NCKAP5: variants seen among roughly 807,000 people sequenced by gnomAD.
NCKAP5 encodes the protein NCK associated protein 5, also known as nck-associated protein 5.
Under a neutral mutation model 167.0 loss-of-function variants are expected in NCKAP5, and 92 were observed. The ratio of observed to expected loss-of-function variants is 0.55; its 90% CI spans 0.47 to 0.66. The LOEUF is 0.66. NCKAP5 is among the 30% of genes least tolerant of loss of function. The pLI, the probability that NCKAP5 is intolerant of heterozygous loss-of-function variation, is 0.00. For missense variants in NCKAP5, 2,378 were observed against 2,315.0 expected, an observed-to-expected ratio of 1.03 and a Z score of -0.56; for synonymous variants, 891 against 877.4, an observed-to-expected ratio of 1.02 and a Z score of -0.27.
At chr2:132,871,692 G>A (rs572131075) in intron 9 of NCKAP5, among the ~76,000 whole-genome samples, 9 of 152,244 alleles carry the variant, frequency 5.9e-5, no homozygotes, top group Middle Eastern at 3.4e-3. Context: ...ATGTACTTTG[G>A]AAAATTATTT....
intron 4 of NCKAP5, among the ~76,000 whole-genome samples, chr2:133,257,043 C>G (rs567195804): frequency 3.9e-5 from 6 of 152,314 alleles, no homozygotes; most frequent in African/African-American, 1.4e-4. Context: ...ATGACTTTAT[C>G]TAATGTAGAC....
chr2:132,691,950 A>G (rs2105143210), intron 19 of NCKAP5, among the ~76,000 whole-genome samples: 1 of 152,202 alleles, frequency 6.6e-6, no homozygotes, highest in Middle Eastern at 3.4e-3. Flanking sequence ...ATTCTCCAAA[A>G]TAAACCTGTC....
chr2:133,404,899 G>A (rs9287426), intron 3 of NCKAP5, among the ~76,000 whole-genome samples: 28,362 of 151,938 alleles, frequency 0.19, 2,670 homozygotes, highest in Non-Finnish European at 0.2. Flanking sequence ...ATCAGTTCTC[G>A]ACCAGCATTA....
At position 133,172,640 on chromosome 2, in the gene NCKAP5, G is replaced by GT. The variant is rs34818543; in HGVS notation, c.207+41075dup. Among the ~76,000 whole-genome samples, 675 of 148,562 alleles carry GT rather than the reference G, an allele frequency of 4.5e-3. 4 individuals carry two copies. The highest frequency in any genetic ancestry group is 0.014 in the African/African-American group (562 of 40,480). On this transcript the variant is annotated intron_variant, in intron 5 of 19. Coordinates refer to ENST00000409261, the MANE Select transcript of NCKAP5 (RefSeq NM_207363.3). ...TGCCCACCACCACATCTGGCTAATC[G>GT]TTTTTTTTTTGTTGTTGTTGTTTTT...
At chr2:132,759,986 A>C (rs1392090685) in intron 16 of NCKAP5, among the ~76,000 whole-genome samples, 1 of 151,824 alleles carries the variant, frequency 6.6e-6, no homozygotes, top group African/African-American at 2.4e-5. Flanking sequence ...TTCTACCCTT[A>C]AATTTGTTAA....
chr2:133,265,443 G>A, intron 4 of NCKAP5, among the ~76,000 whole-genome samples: 1 of 152,252 alleles, frequency 6.6e-6, no homozygotes, highest in African/African-American at 2.4e-5. Context: ...CCTGCCACCC[G>A]GGAGGTCCCT....
rs886349737 is a variant in NCKAP5, at chr2:132,740,861, GA to G, written c.5129-8811del. On this transcript the variant is annotated intron_variant, in intron 16 of 19. Transcript: ENST00000409261. ...ATTAATATGACAAACAATTAAAAAA[GA>G]AAAAAAAATGGACCATGAAATTCCT... 4.8e-3 allele frequency among the ~76,000 whole-genome samples: 710 copies of G among 149,266 alleles called. 4 individuals are homozygous for G. The highest frequency in any genetic ancestry group is 0.017 in the African/African-American group (686 of 40,744).
intron 2 of NCKAP5, among the ~76,000 whole-genome samples, chr2:133,541,456 A>G (rs1686219845): frequency 6.6e-6 from 1 of 152,196 alleles, no homozygotes; most frequent in Non-Finnish European, 1.5e-5. Flanking sequence ...AATACATTTT[A>G]TGCAATATAT....
At chr2:132,715,633 G>A (rs1351511748) in intron 19 of NCKAP5, among the ~76,000 whole-genome samples, 1 of 152,218 alleles carries the variant, frequency 6.6e-6, no homozygotes, top group Non-Finnish European at 1.5e-5. Flanking sequence ...GAGACTTAAT[G>A]TGTAGCAGCC....
chr2:133,154,151 T>C (rs375625922), intron 5 of NCKAP5, among the ~76,000 whole-genome samples: 3 of 152,172 alleles, frequency 2.0e-5, no homozygotes, highest in African/African-American at 7.2e-5. Flanking sequence ...CAGTTCCTCC[T>C]TCTTGAAACT....
intron 4 of NCKAP5, among the ~76,000 whole-genome samples, chr2:133,222,206 T>G (rs941897536): frequency 1.1e-4 from 17 of 152,244 alleles, no homozygotes; most frequent in African/African-American, 3.8e-4. Context: ...TTTTTGTCAG[T>G]TATGTCTATT....
chr2:132,824,013 C>T lies in NCKAP5; in HGVS notation c.808-27284G>A, dbSNP rs541110187. Among the ~76,000 whole-genome samples, 19 of 152,298 alleles carry T rather than the reference C, an allele frequency of 1.2e-4. No homozygotes were observed. The South Asian group carries it at 3.9e-3, about 32-fold the overall frequency. ...GAATCCTAAATATATATGCACCTAA[C>T]ACTGGAGCTCCCAAATGTATTGGGG... On this transcript the variant is annotated intron_variant, in intron 11 of 19. Transcript: ENST00000409261.
chr2:133,579,703 T>A, the NCKAP5 span, among the ~76,000 whole-genome samples: 1 of 152,166 alleles, frequency 6.6e-6, no homozygotes, highest in Non-Finnish European at 1.5e-5. Flanking sequence ...CATATCCTCA[T>A]CCAACCCATG....
chr2:132,767,723 G>A (rs1332904029), intron 16 of NCKAP5, among the ~76,000 whole-genome samples: 1 of 152,198 alleles, frequency 6.6e-6, no homozygotes, highest in East Asian at 1.9e-4. Flanking sequence ...TGGAAAAATG[G>A]AAATATACTG....
chr2:133,422,398 C>T lies in NCKAP5; in HGVS notation c.69+95060G>A, dbSNP rs557319970. 4.6e-5 allele frequency among the ~76,000 whole-genome samples: 7 copies of T among 152,250 alleles called. No individual in the cohort carries two copies. The South Asian group carries it at 1.5e-3, about 32-fold the overall frequency. Reference sequence around the variant, plus strand: ...GTTTTTTGGTAAGTTGTGTCCTGAACAAAGATGTCTCAACAGTGAAAGCTG... The same window carrying T: ...GTTTTTTGGTAAGTTGTGTCCTGAATAAAGATGTCTCAACAGTGAAAGCTG... On this transcript the variant is annotated intron_variant, in intron 3 of 19. Coordinates refer to ENST00000409261, the MANE Select transcript of NCKAP5 (RefSeq NM_207363.3).
chr2:133,208,750 C>G (rs1358551143), intron 5 of NCKAP5, among the ~76,000 whole-genome samples: 1 of 152,108 alleles, frequency 6.6e-6, no homozygotes, highest in Non-Finnish European at 1.5e-5. Context: ...ATAGAGAAAA[C>G]TGGGTAGAAG....
At position 132,829,253 on chromosome 2, in the gene NCKAP5, T is replaced by C. The variant is rs75612435; in HGVS notation, c.807+31239A>G. On this transcript the variant is annotated intron_variant, in intron 11 of 19. Transcript: ENST00000409261. ...AGGGTTGATTTATAGGCTTATTAAG[T>C]GTATGCTTTGTGGAAAGTTTGAAGC... 2.1e-3 allele frequency among the ~76,000 whole-genome samples: 325 copies of C among 152,258 alleles called. 2 individuals are homozygous for C. Among genetic ancestry groups the C allele is most frequent in the African/African-American group, 7.3e-3 (305 of 41,540 alleles).
At chr2:132,851,650 G>T (rs573228296) in intron 11 of NCKAP5, among the ~76,000 whole-genome samples, 1 of 152,238 alleles carries the variant, frequency 6.6e-6, no homozygotes, top group South Asian at 2.1e-4. Flanking sequence ...TGCCTCGTTG[G>T]TATCTACCCT....
chr2:132,933,093 A>G (rs959188529), intron 8 of NCKAP5, among the ~76,000 whole-genome samples: 2 of 151,568 alleles, frequency 1.3e-5, no homozygotes, highest in South Asian at 2.1e-4. Flanking sequence ...CGTGGCTAAT[A>G]TTTTTGTATT....
Sources: gnomAD v4.1 joint callset for allele counts (sites outside exome capture counted in the v4.1 genomes callset) on GRCh38, gnomAD v4.1.1 for gene constraint, MANE v1.5 for transcripts, NCBI Gene and HGNC (gene_info 2026-07-23, HGNC 2026-07-21) for gene names.